The following INPP4B variants were observed in gnomAD, a reference collection of about 807,000 sequenced individuals.
INPP4B encodes the protein inositol polyphosphate-4-phosphatase type II B, also known as inositol polyphosphate 4-phosphatase type II.
INPP4B carries 55 observed loss-of-function variants against 122.5 expected under a neutral mutation model. The ratio of observed to expected loss-of-function variants is 0.45; its 90% CI spans 0.36 to 0.56. The LOEUF (loss-of-function observed/expected upper bound fraction) is 0.56, where lower values mean the gene tolerates loss of function less well. INPP4B is among the 20% of genes least tolerant of loss of function. The pLI is 0.00. For missense variants in INPP4B, 1,000 were observed against 1,097.7 expected (o/e 0.91, Z 1.26); for synonymous variants, 403 against 388.7 (o/e 1.04, Z -0.43).
At chr4:142,653,969 C>T (rs192545144) in intron 2 of INPP4B, among the ~76,000 whole-genome samples, 184 of 152,158 alleles carry the variant, frequency 1.2e-3, no homozygotes, top group African/African-American at 4.3e-3. Context: ...TGGAACCAAC[C>T]CAAATGTCCA....
intron 23 of INPP4B, among the ~76,000 whole-genome samples, chr4:142,095,339 G>T (rs144715834): frequency 6.6e-6 from 1 of 152,164 alleles, no homozygotes; most frequent in African/African-American, 2.4e-5. Context: ...ATAGCTGAGT[G>T]AATTACAGAG....
chr4:142,804,199 G>GT (rs55946950), intron 1 of INPP4B, among the ~76,000 whole-genome samples: 6,034 of 152,110 alleles, frequency 0.04, 155 homozygotes, highest in African/African-American at 0.058. Context: ...TATAATAAAT[G>GT]TATCACTTTA....
chr4:142,768,174 T>C (rs887571313), intron 1 of INPP4B, among the ~76,000 whole-genome samples: 64 of 152,310 alleles, frequency 4.2e-4, no homozygotes, highest in African/African-American at 1.5e-3. Flanking sequence ...GGATCAATTA[T>C]GTTAGCTGTG....
intron 12 of INPP4B, among the ~76,000 whole-genome samples, chr4:142,233,227 T>C (rs983514789): frequency 6.6e-6 from 1 of 152,044 alleles, no homozygotes; most frequent in Non-Finnish European, 1.5e-5. Context: ...TGAGTGAGTG[T>C]ATGTGTATTC....
intron 2 of INPP4B, among the ~76,000 whole-genome samples, chr4:142,503,008 G>T (rs1823584070): frequency 6.6e-6 from 1 of 152,030 alleles, no homozygotes; most frequent in South Asian, 2.1e-4. Flanking sequence ...TAAGACATTG[G>T]AATAAAATTT....
chr4:142,273,748 T>C (rs970038724), intron 9 of INPP4B, among the ~76,000 whole-genome samples: 1 of 151,886 alleles, frequency 6.6e-6, no homozygotes, highest in African/African-American at 2.4e-5. Context: ...AATTCTAGCA[T>C]AAATTTCTCC....
At chr4:142,460,769 T>C (rs1319855660) in intron 3 of INPP4B, among the ~76,000 whole-genome samples, 1 of 152,110 alleles carries the variant, frequency 6.6e-6, no homozygotes, top group African/African-American at 2.4e-5. Context: ...TCTAAAAAAG[T>C]CGATGCCCTT....
chr4:142,335,469 C>T (rs979006083), intron 7 of INPP4B, among the ~76,000 whole-genome samples: 1 of 152,110 alleles, frequency 6.6e-6, no homozygotes, highest in African/African-American at 2.4e-5. Context: ...CCTCATAACC[C>T]CAAATCTCCC....
chr4:142,754,599 T>A (rs550248308), intron 1 of INPP4B, among the ~76,000 whole-genome samples: 4 of 151,978 alleles, frequency 2.6e-5, no homozygotes, highest in African/African-American at 9.6e-5. Flanking sequence ...AAAATTTTTT[T>A]AAAAATTCAA....
At chr4:142,664,321 T>C (rs528325308) in intron 2 of INPP4B, among the ~76,000 whole-genome samples, 2 of 152,214 alleles carry the variant, frequency 1.3e-5, no homozygotes, top group African/African-American at 4.8e-5. Flanking sequence ...CCATCTCTTC[T>C]CCCCGCTAAG....
At position 142,436,288 on chromosome 4, in the gene INPP4B, C is replaced by T. The variant is rs536297743; in HGVS notation, c.-126-4903G>A. 3.9e-5 allele frequency among the ~76,000 whole-genome samples: 6 copies of T among 152,306 alleles called. No individual in the cohort carries two copies. In the South Asian group the frequency reaches 1.2e-3, roughly 32 times the overall value. On this transcript the variant is annotated intron_variant, in intron 3 of 25. Coordinates refer to ENST00000262992, the MANE Select transcript of INPP4B (RefSeq NM_001101669.3). Reference sequence around the variant, plus strand: ...CCTGAGCCCCTAGAGAAAGGCGTGGCAATAGTCTCTGTGAACCAGCAGACT... The same window carrying T: ...CCTGAGCCCCTAGAGAAAGGCGTGGTAATAGTCTCTGTGAACCAGCAGACT...
At chr4:142,741,269 A>T (rs1171777015) in intron 1 of INPP4B, among the ~76,000 whole-genome samples, 3 of 152,076 alleles carry the variant, frequency 2.0e-5, no homozygotes, top group Non-Finnish European at 4.4e-5. Context: ...TAGTAAGCTT[A>T]CAAACATGGT....
intron 5 of INPP4B, among the ~76,000 whole-genome samples, chr4:142,406,317 C>T (rs774081180): frequency 6.6e-6 from 1 of 152,044 alleles, no homozygotes; most frequent in Non-Finnish European, 1.5e-5. Context: ...GGTTCTATAC[C>T]ATCCCTACCC....
At chr4:142,238,374 T>C (rs1452909264) in intron 11 of INPP4B, among the ~76,000 whole-genome samples, 1 of 152,130 alleles carries the variant, frequency 6.6e-6, no homozygotes, top group African/African-American at 2.4e-5. Context: ...ATAAAGTGTA[T>C]GTGTCTACAA....
chr4:142,602,264 C>T (rs546934320), intron 2 of INPP4B, among the ~76,000 whole-genome samples: 1 of 151,934 alleles, frequency 6.6e-6, no homozygotes, highest in Admixed American at 6.6e-5. Context: ...CCTAGGGATA[C>T]AGCTAACATG....
intron 1 of INPP4B, among the ~76,000 whole-genome samples, chr4:142,764,432 C>T (rs1045225932): frequency 6.6e-6 from 1 of 151,996 alleles, no homozygotes; most frequent in South Asian, 2.1e-4. Context: ...GGCACAGCAC[C>T]ATACTGGGCT....
intron 1 of INPP4B, among the ~76,000 whole-genome samples, chr4:142,820,870 T>C (rs1780718719): frequency 6.6e-6 from 1 of 152,180 alleles, no homozygotes; most frequent in Admixed American, 6.6e-5. Context: ...GTAGGAAAGT[T>C]GACCCTCAAA....
chr4:142,647,516 A>G (rs1244949130), intron 2 of INPP4B, among the ~76,000 whole-genome samples: 8 of 152,190 alleles, frequency 5.3e-5, no homozygotes, highest in African/African-American at 1.4e-4. Flanking sequence ...ACCCACCACA[A>G]TGGTGCCTAA....
chr4:142,318,412 C>T lies in INPP4B; in HGVS notation c.373-3650G>A, dbSNP rs2151379566. Among the ~76,000 whole-genome samples, 3 of 152,256 alleles carry T rather than the reference C, an allele frequency of 2.0e-5. No homozygotes were observed. The East Asian group carries it at 5.8e-4, about 29-fold the overall frequency. On this transcript the variant is annotated intron_variant, in intron 7 of 25. Coordinates refer to ENST00000262992, the MANE Select transcript of INPP4B (RefSeq NM_001101669.3). ...GAGGAAGGGATGAAGCAAAGGCTGTCACTGTAGCATTTGGAATATTCTGGT... is the reference window on the plus strand; with the variant it reads ...GAGGAAGGGATGAAGCAAAGGCTGTTACTGTAGCATTTGGAATATTCTGGT...
Sources: allele counts gnomAD v4.1 joint callset (sites outside exome capture counted in the v4.1 genomes callset), GRCh38; gene constraint gnomAD v4.1.1; transcripts MANE v1.5; gene names NCBI Gene and HGNC (gene_info 2026-07-23, HGNC 2026-07-21).